Variants in CUEDC2 observed in about 807,000 individuals in gnomAD.
CUEDC2 encodes CUE domain containing 2, also known as CUE domain-containing protein 2.
Under a neutral mutation model 36.0 loss-of-function variants are expected in CUEDC2, and 10 were observed. That is an observed-to-expected ratio of 0.28 (90% CI 0.17 to 0.47). The LOEUF (loss-of-function observed/expected upper bound fraction) is 0.47, where lower values mean the gene tolerates loss of function less well. Among genes scored for constraint, CUEDC2 ranks in the 20% least tolerant of loss-of-function variants. CUEDC2 has a pLI of 0.99. For missense variants in CUEDC2, 269 were observed against 368.1 expected (o/e 0.73, Z 2.20); for synonymous variants, 133 against 141.8 (o/e 0.94, Z 0.44).
chr10:102,427,272 GCTCT>G (rs144013189), intron 1 of CUEDC2, among the ~76,000 whole-genome samples: 2 of 151,186 alleles, frequency 1.3e-5, no homozygotes, highest in East Asian at 1.9e-4. Flanking sequence ...TCACTGCAGC[GCTCT>G]CTCTCTCTCT....
Position 102,425,037 on chromosome 10 carries a change from A to G in CUEDC2, c.74+78T>C. 4.7e-6 allele frequency: 6 copies of G among 1,274,760 alleles called. No homozygotes were observed. The South Asian group carries it at 6.1e-5, about 13-fold the overall frequency. 79.0% of individuals were successfully genotyped at this position (1,274,760 alleles called of 1,614,324 possible). ...TAGTCAGCCCTCCTGCTGTCTTTCC[A>G]TCAGCCAGTACCCATAGTACTGCCC... On this transcript the variant is annotated intron_variant, in intron 2 of 8. Transcript: ENST00000369937.
At chr10:102,427,443 G>T (rs2061601250) in intron 1 of CUEDC2, among the ~76,000 whole-genome samples, 1 of 152,138 alleles carries the variant, frequency 6.6e-6, no homozygotes, top group Non-Finnish European at 1.5e-5. Context: ...CTCACAGTTA[G>T]CGTGTCCCAA....
intron 1 of CUEDC2, among the ~76,000 whole-genome samples, 185 bp downstream of exon 1, chr10:102,432,341 G>A (rs569046994): frequency 2.6e-4 from 40 of 152,300 alleles, no homozygotes; most frequent in Non-Finnish European, 4.9e-4. Context: ...GGCCTTGGAG[G>A]ACACATGACG....
chr10:102,430,643 CCCT>C (rs913189511), intron 1 of CUEDC2, among the ~76,000 whole-genome samples: 4 of 133,732 alleles, frequency 3.0e-5, no homozygotes, highest in Non-Finnish European at 6.8e-5. Context: ...CATCCTCCCT[CCCT>C]CCTCCTGTTT....
At chr10:102,427,722 T>A (rs2061602615) in intron 1 of CUEDC2, among the ~76,000 whole-genome samples, 1 of 150,842 alleles carries the variant, frequency 6.6e-6, no homozygotes, top group African/African-American at 2.4e-5. Context: ...AACAACCTAT[T>A]CTCCACACCA....
chr10:102,426,995 T>C (rs189712895), intron 1 of CUEDC2, among the ~76,000 whole-genome samples: 8 of 152,062 alleles, frequency 5.3e-5, no homozygotes, highest in Admixed American at 2.0e-4. Flanking sequence ...CATCAGTTAC[T>C]TTTTCCAGGT....
At chr10:102,427,475 T>G (rs2061601390) in intron 1 of CUEDC2, among the ~76,000 whole-genome samples, 1 of 152,148 alleles carries the variant, frequency 6.6e-6, no homozygotes. Context: ...CTCAAGTGCT[T>G]TACTCCTCCA....
At chr10:102,428,678 G>A (rs969216328) in intron 1 of CUEDC2, among the ~76,000 whole-genome samples, 3 of 152,018 alleles carry the variant, frequency 2.0e-5, no homozygotes, top group African/African-American at 7.3e-5. Context: ...GAGCTCAGGA[G>A]TTTAAGACCA....
chr10:102,426,351 A>G (rs1005962093), intron 1 of CUEDC2, among the ~76,000 whole-genome samples: 1 of 152,182 alleles, frequency 6.6e-6, no homozygotes, highest in Non-Finnish European at 1.5e-5. Context: ...TCCCACTCAG[A>G]AGGCTCCGAG....
chr10:102,424,228 C>T lies in CUEDC2; in HGVS notation c.411+36G>A. ...GGCAATACTCCCCCCTTTCCAGCCC[C>T]CTGGGTCCCTCATCGGTACCCTCCT... is the stretch of plus-strand genomic sequence containing the variant. On this transcript the variant is annotated intron_variant, in intron 5 of 8. Transcript: ENST00000369937. This position sits in a 1 kb window ranked among gnomAD's most constrained non-coding sequence, Gnocchi z 4.2. 1 of 1,611,358 alleles carries T rather than the reference C, an allele frequency of 6.2e-7. No individual in the cohort carries two copies. Among genetic ancestry groups the T allele is most frequent in the Non-Finnish European group, 8.5e-7 (1 of 1,178,342 alleles).
chr10:102,423,722 C>G lies in CUEDC2; in HGVS notation c.657-5G>C, dbSNP rs2061584032. ...GCGCTATCCACCATCATGTACCTGTCAAAAACTGGCTGGGTGAAGCTCCTG... is the reference window on the plus strand; with the variant it reads ...GCGCTATCCACCATCATGTACCTGTGAAAAACTGGCTGGGTGAAGCTCCTG... On this transcript the variant is annotated splice_region_variant and splice_polypyrimidine_tract_variant and intron_variant, in intron 7 of 8. Transcript: ENST00000369937. The surrounding 1 kb of genome is among the most constrained non-coding windows in gnomAD (Gnocchi z 5.6). 1 of 1,614,078 alleles carries G rather than the reference C, an allele frequency of 6.2e-7. No individual in the cohort carries two copies. Among genetic ancestry groups the G allele is most frequent in the Non-Finnish European group, 8.5e-7 (1 of 1,180,032 alleles).
At chr10:102,427,687 CTT>C (rs941878415) in intron 1 of CUEDC2, among the ~76,000 whole-genome samples, 3 of 152,124 alleles carry the variant, frequency 2.0e-5, no homozygotes, top group African/African-American at 4.8e-5. Flanking sequence ...CTTCCTAACC[CTT>C]CTCCCCACTC....
intron 1 of CUEDC2, among the ~76,000 whole-genome samples, chr10:102,430,151 A>AAT (rs2061611734): frequency 5.1e-4 from 61 of 119,510 alleles, no homozygotes; most frequent in Non-Finnish European, 8.1e-4. Flanking sequence ...TTTTAATTTT[A>AAT]TTTATTTATT....
rs369045282 is a variant in CUEDC2 at position 102,428,512 on chromosome 10, T to C, written c.-10-3314A>G. On this transcript the variant is annotated intron_variant, in intron 1 of 8. Coordinates refer to ENST00000369937, the MANE Select transcript of CUEDC2 (RefSeq NM_024040.3). ...TTTCTAGGTGCTAGGGTACACAAAC[T>C]ATTTCCTCTGCCTGGGCACCCTTCT... is the stretch of plus-strand genomic sequence containing the variant. Among the ~76,000 whole-genome samples, 27 of 152,282 alleles carry C rather than the reference T, an allele frequency of 1.8e-4. No individual in the cohort carries two copies. The East Asian group carries it at 4.8e-3, about 27-fold the overall frequency.
chr10:102,428,225 C>CA, intron 1 of CUEDC2, among the ~76,000 whole-genome samples: 1 of 151,522 alleles, frequency 6.6e-6, no homozygotes, highest in Non-Finnish European at 1.5e-5. Flanking sequence ...ACAGGCATGA[C>CA]AAAGCACCCG....
intron 1 of CUEDC2, among the ~76,000 whole-genome samples, chr10:102,426,933 G>A (rs1359553242): frequency 6.6e-6 from 1 of 151,992 alleles, no homozygotes; most frequent in African/African-American, 2.4e-5. Flanking sequence ...AAAGTGCTGG[G>A]ATTACAGCCA....
chr10:102,430,144 T>TTTA, intron 1 of CUEDC2, among the ~76,000 whole-genome samples: 1 of 109,514 alleles, frequency 9.1e-6, no homozygotes, highest in African/African-American at 3.6e-5. Flanking sequence ...TTTTTTTTTT[T>TTTA]AATTTTATTT....
intron 1 of CUEDC2, among the ~76,000 whole-genome samples, chr10:102,429,554 C>A (rs1027852475): frequency 2.7e-5 from 4 of 150,278 alleles, no homozygotes; most frequent in African/African-American, 9.8e-5. Flanking sequence ...GCACAGGGGT[C>A]ACTTTGGAAA....
At position 102,423,986 on chromosome 10, in the gene CUEDC2, G is replaced by C. The variant is rs536100200; in HGVS notation, c.594+10C>G. 5 of 1,613,148 alleles carry C rather than the reference G, an allele frequency of 3.1e-6. No individual in the cohort carries two copies. Among genetic ancestry groups the C allele is most frequent in the South Asian group, 2.2e-5 (2 of 91,020 alleles). On this transcript the variant is annotated intron_variant, in intron 6 of 8. Transcript: ENST00000369937. This position sits in a 1 kb window ranked among gnomAD's most constrained non-coding sequence, Gnocchi z 5.6. ...GAGGCTACATGGTAGAGGGTGCTGGGAAAAGATACCTGGTTGGGGCCCTCC... is the reference window on the plus strand; with the variant it reads ...GAGGCTACATGGTAGAGGGTGCTGGCAAAAGATACCTGGTTGGGGCCCTCC...
Sources: allele counts gnomAD v4.1 joint callset (sites outside exome capture counted in the v4.1 genomes callset), GRCh38; gene constraint gnomAD v4.1.1; non-coding constraint Gnocchi (gnomAD v3.1); transcripts MANE v1.5; gene names NCBI Gene and HGNC (gene_info 2026-07-23, HGNC 2026-07-21).